NBEA: variants seen among roughly 807,000 people sequenced by gnomAD.
The protein encoded by NBEA is lysosomal-trafficking regulator 2.
A neutral mutation model predicts 343.4 loss-of-function variants in NBEA; 44 were observed. The ratio of observed to expected loss-of-function variants is 0.13; its 90% CI spans 0.10 to 0.16. The LOEUF (loss-of-function observed/expected upper bound fraction) is 0.16, where lower values mean the gene tolerates loss of function less well. Ranked by LOEUF, NBEA falls within the 10% of genes least tolerant of loss-of-function variation. The pLI is 1.00. For synonymous variants in NBEA, 1,175 were observed against 1,238.7 expected (o/e 0.95, Z 1.08); for missense variants, 2,555 against 3,631.3 (o/e 0.70, Z 7.62).
At chr13:35,097,760 T>A (rs1437170672) in intron 10 of NBEA, among the ~76,000 whole-genome samples, 2 of 152,048 alleles carry the variant, frequency 1.3e-5, no homozygotes, top group Non-Finnish European at 2.9e-5. Context: ...GAGCTTTTCT[T>A]AGGGCATACC....
chr13:35,397,377 A>T (rs1184563931), intron 38 of NBEA, among the ~76,000 whole-genome samples: 1 of 152,184 alleles, frequency 6.6e-6, no homozygotes, highest in Non-Finnish European at 1.5e-5. Flanking sequence ...TTCCCCAACC[A>T]TACTGTATAT....
intron 34 of NBEA, among the ~76,000 whole-genome samples, chr13:35,262,239 A>C (rs1315362585): frequency 1.3e-5 from 2 of 152,238 alleles, no homozygotes; most frequent in African/African-American, 4.8e-5. Context: ...TGAGAATGCA[A>C]AATAGTAGCC....
chr13:35,470,345 T>G (rs571793278), intron 40 of NBEA, among the ~76,000 whole-genome samples: 1 of 152,114 alleles, frequency 6.6e-6, no homozygotes, highest in African/African-American at 2.4e-5. Flanking sequence ...TTTCAATAAA[T>G]CAATGGGTAT....
In NBEA at chr13:35,201,465, T is replaced by C. The variant is rs1354449476; in HGVS notation, c.5366+5163T>C. Among the ~76,000 whole-genome samples the C allele has an allele frequency of 2.0e-5, 3 of 152,092 alleles. No individual in the cohort carries two copies. The South Asian group carries it at 6.2e-4, about 31-fold the overall frequency. On this transcript the variant is annotated intron_variant, in intron 31 of 58. Coordinates refer to ENST00000379939, the MANE Select transcript of NBEA (RefSeq NM_001385012.1). ...TGAACTGAAGTAAATTGTCATGTTA[T>C]CCTAGAATCAGTAACAAATTATTTT...
chr13:35,258,727 A>T (rs1055254167), intron 34 of NBEA, among the ~76,000 whole-genome samples: 3 of 152,216 alleles, frequency 2.0e-5, no homozygotes, highest in Non-Finnish European at 4.4e-5. Context: ...TGTAACTTGT[A>T]AATCTCATAT....
chr13:35,456,065 A>G (rs2152948927), intron 40 of NBEA, among the ~76,000 whole-genome samples: 1 of 152,198 alleles, frequency 6.6e-6, no homozygotes, highest in East Asian at 1.9e-4. Flanking sequence ...GCTTATAGAT[A>G]GTCTATGTGT....
At chr13:35,249,541 A>G (rs998972508) in intron 34 of NBEA, among the ~76,000 whole-genome samples, 13 of 152,220 alleles carry the variant, frequency 8.5e-5, no homozygotes, top group Non-Finnish European at 1.8e-4. Flanking sequence ...CCTTACACCT[A>G]TTAGGATGGC....
intron 1 of NBEA, among the ~76,000 whole-genome samples, chr13:34,945,588 G>A (rs2059163314): frequency 6.6e-6 from 1 of 151,940 alleles, no homozygotes; most frequent in South Asian, 2.1e-4. Context: ...TTCAGTTTTA[G>A]TTTAACACAT....
chr13:35,296,120 G>A (rs888648682), intron 35 of NBEA, among the ~76,000 whole-genome samples: 2 of 152,154 alleles, frequency 1.3e-5, no homozygotes, highest in Non-Finnish European at 2.9e-5. Context: ...GCCTGATCGC[G>A]GTGGCTCACG....
chr13:35,174,174 T>C (rs1384941237), intron 27 of NBEA, among the ~76,000 whole-genome samples: 1 of 152,138 alleles, frequency 6.6e-6, no homozygotes. Flanking sequence ...GACTTCATTC[T>C]GTTCATCAAA....
intron 1 of NBEA, among the ~76,000 whole-genome samples, chr13:34,945,202 T>A (rs1445788614): frequency 6.6e-6 from 1 of 152,288 alleles, no homozygotes; most frequent in Admixed American, 6.5e-5. Context: ...GGTTTAAAAT[T>A]TCTTTGTATG....
chr13:35,580,195 C>T (rs2080952598), intron 45 of NBEA, among the ~76,000 whole-genome samples: 1 of 151,868 alleles, frequency 6.6e-6, no homozygotes, highest in Non-Finnish European at 1.5e-5. Flanking sequence ...AACATAAAAG[C>T]TAAAAAAGAC....
At chr13:35,516,221 A>G (rs765491878) in intron 41 of NBEA, among the ~76,000 whole-genome samples, 3 of 152,160 alleles carry the variant, frequency 2.0e-5, no homozygotes, top group Non-Finnish European at 2.9e-5. Flanking sequence ...TCTACATAGC[A>G]AGTTCCTATA....
intron 38 of NBEA, among the ~76,000 whole-genome samples, chr13:35,372,921 C>G (rs1393526993): frequency 6.6e-6 from 1 of 152,120 alleles, no homozygotes; most frequent in Admixed American, 6.5e-5. Flanking sequence ...CTTGATGTAG[C>G]TGCTTAGGCC....
chr13:35,284,207 C>G (rs1377693977), intron 34 of NBEA, among the ~76,000 whole-genome samples: 1 of 152,168 alleles, frequency 6.6e-6, no homozygotes, highest in Non-Finnish European at 1.5e-5. Flanking sequence ...AAAAAGTTTG[C>G]TGCCCCCTAA....
chr13:35,264,861 G>A (rs1413059021), intron 34 of NBEA, among the ~76,000 whole-genome samples: 1 of 151,620 alleles, frequency 6.6e-6, no homozygotes, highest in Non-Finnish European at 1.5e-5. Flanking sequence ...CTTCACTTCT[G>A]TTCAACGTAG....
intron 30 of NBEA, among the ~76,000 whole-genome samples, chr13:35,195,135 T>C (rs145698940): frequency 8.5e-5 from 13 of 152,198 alleles, no homozygotes; most frequent in African/African-American, 3.1e-4. Context: ...AAAGAAAGTA[T>C]AAAAATGACT....
intron 17 of NBEA, among the ~76,000 whole-genome samples, chr13:35,135,509 C>G (rs1461297891): frequency 2.6e-5 from 4 of 151,858 alleles, no homozygotes; most frequent in Non-Finnish European, 4.4e-5. Flanking sequence ...TGGGAAGACT[C>G]AATTATATAA....
chr13:35,233,331 C>T (rs1416574085), intron 34 of NBEA, among the ~76,000 whole-genome samples: 1 of 152,034 alleles, frequency 6.6e-6, no homozygotes, highest in Non-Finnish European at 1.5e-5. Flanking sequence ...CTTTTCACTT[C>T]CTGTTTACTG....
Sources: gnomAD v4.1 joint callset for allele counts (sites outside exome capture counted in the v4.1 genomes callset) on GRCh38, gnomAD v4.1.1 for gene constraint, MANE v1.5 for transcripts, NCBI Gene and HGNC (gene_info 2026-07-23, HGNC 2026-07-21) for gene names.